Variants in ERBB4 observed in about 807,000 individuals in gnomAD.
The protein encoded by ERBB4 is receptor tyrosine-protein kinase erbB-4.
In ERBB4, 42 loss-of-function variants were observed where a neutral mutation model predicts 158.0. The observed-to-expected ratio is 0.27, with a 90% CI of 0.21 to 0.34. The LOEUF is 0.34. Among genes scored for constraint, ERBB4 ranks in the 10% least tolerant of loss-of-function variants. The pLI, the probability that ERBB4 is intolerant of heterozygous loss-of-function variation, is 1.00. For synonymous variants in ERBB4, 583 were observed against 558.7 expected, an observed-to-expected ratio of 1.04 and a Z score of -0.61; for missense variants, 1,333 against 1,624.1, an observed-to-expected ratio of 0.82 and a Z score of 3.08.
At chr2:212,228,547 T>C (rs1212987567) in intron 1 of ERBB4, among the ~76,000 whole-genome samples, 1 of 152,206 alleles carries the variant, frequency 6.6e-6, no homozygotes, top group Admixed American at 6.5e-5. Context: ...GGGACTATTG[T>C]ATTCATAGCA....
intron 2 of ERBB4, among the ~76,000 whole-genome samples, chr2:211,996,181 T>A (rs912800521): frequency 6.6e-6 from 1 of 152,150 alleles, no homozygotes; most frequent in Non-Finnish European, 1.5e-5. Flanking sequence ...TTCAAAATAG[T>A]CTTACCATAT....
At chr2:212,456,454 T>A (rs1376594755) in intron 1 of ERBB4, among the ~76,000 whole-genome samples, 1 of 151,894 alleles carries the variant, frequency 6.6e-6, no homozygotes, top group African/African-American at 2.4e-5. Context: ...CTGTAAGAGA[T>A]GATTAATTAT....
chr2:212,506,121 G>A (rs1427418914), intron 1 of ERBB4, among the ~76,000 whole-genome samples: 1 of 148,304 alleles, frequency 6.7e-6, no homozygotes, highest in East Asian at 1.9e-4. Flanking sequence ...ATCTATTATG[G>A]TGATCTGTAA....
rs1187503392 is a variant in ERBB4, at chr2:212,276,429, T to C, written c.83-151526A>G. 6.6e-5 allele frequency among the ~76,000 whole-genome samples: 10 copies of C among 151,710 alleles called. No homozygotes were observed. In the East Asian group the frequency reaches 1.9e-3, roughly 29 times the overall value. The stretch of plus-strand genomic sequence containing the variant: ...CTAAGCTGGTGTGCCTTTTGGAAAG[T>C]AAGTGAGGACCTTAAGCAAAAATAG... On this transcript the variant is annotated intron_variant, in intron 1 of 27. Coordinates refer to ENST00000342788, the MANE Select transcript of ERBB4 (RefSeq NM_005235.3).
chr2:211,606,133 T>G (rs557134450), intron 19 of ERBB4, among the ~76,000 whole-genome samples: 1 of 152,114 alleles, frequency 6.6e-6, no homozygotes, highest in Non-Finnish European at 1.5e-5. Flanking sequence ...AGAATGATAA[T>G]CTAATGTAAC....
At chr2:211,774,851 T>C (rs574923927) in intron 4 of ERBB4, among the ~76,000 whole-genome samples, 65 of 152,338 alleles carry the variant, frequency 4.3e-4, no homozygotes, top group African/African-American at 1.5e-3. Context: ...TGATGTAAGC[T>C]TATGCAATGG....
intron 1 of ERBB4, among the ~76,000 whole-genome samples, chr2:212,199,808 T>C (rs2082539062): frequency 1.3e-5 from 2 of 152,164 alleles, no homozygotes; most frequent in South Asian, 2.1e-4. Context: ...TTCTCTTGTC[T>C]GAAGGACTCC....
intron 1 of ERBB4, among the ~76,000 whole-genome samples, chr2:212,491,161 G>A (rs924686298): frequency 6.6e-6 from 1 of 151,436 alleles, no homozygotes; most frequent in East Asian, 1.9e-4. Flanking sequence ...GGACCCAAAC[G>A]TCTGTATTGT....
At chr2:212,506,573 G>T (rs540898545) in intron 1 of ERBB4, among the ~76,000 whole-genome samples, 189 of 151,142 alleles carry the variant, frequency 1.3e-3, no homozygotes, top group Admixed American at 2.6e-3. Flanking sequence ...CTCATATGGA[G>T]AAAAGTTTTA....
At chr2:212,142,692 C>A (rs960273893) in intron 1 of ERBB4, among the ~76,000 whole-genome samples, 1 of 150,460 alleles carries the variant, frequency 6.6e-6, no homozygotes, top group African/African-American at 2.4e-5. Flanking sequence ...AACATGAATT[C>A]TCAAACGTTA....
chr2:211,653,681 G>A (rs184649257), intron 16 of ERBB4, among the ~76,000 whole-genome samples: 1 of 151,746 alleles, frequency 6.6e-6, no homozygotes, highest in Non-Finnish European at 1.5e-5. Context: ...TCTTTTTTGG[G>A]GGGGTTTGAG....
chr2:212,011,935 T>C (rs1438503586), intron 2 of ERBB4, among the ~76,000 whole-genome samples: 3 of 152,184 alleles, frequency 2.0e-5, no homozygotes, highest in Non-Finnish European at 2.9e-5. Context: ...ATCTATTTTA[T>C]TGACTGGAAT....
chr2:212,095,233 C>A (rs555219969), intron 2 of ERBB4, among the ~76,000 whole-genome samples: 1 of 152,140 alleles, frequency 6.6e-6, no homozygotes, highest in Non-Finnish European at 1.5e-5. Context: ...CTCAATGCAC[C>A]AGAGGCATGC....
chr2:211,905,060 C>T (rs935245295), intron 3 of ERBB4, among the ~76,000 whole-genome samples: 5 of 151,966 alleles, frequency 3.3e-5, no homozygotes, highest in East Asian at 1.9e-4. Context: ...ACAAACTTAC[C>T]GCAAATTTAA....
chr2:211,930,322 A>G (rs1054026003), intron 3 of ERBB4, among the ~76,000 whole-genome samples: 5 of 152,196 alleles, frequency 3.3e-5, no homozygotes, highest in East Asian at 3.8e-4. Context: ...AAACTTTTAC[A>G]GTGGTTCTAA....
At chr2:211,569,565 A>C (rs2067651989) in intron 19 of ERBB4, among the ~76,000 whole-genome samples, 1 of 152,232 alleles carries the variant, frequency 6.6e-6, no homozygotes, top group Non-Finnish European at 1.5e-5. Flanking sequence ...ATAGATAATG[A>C]AACGGTGGTC....
intron 3 of ERBB4, among the ~76,000 whole-genome samples, chr2:211,933,254 A>G (rs114290351): frequency 0.035 from 5,331 of 152,174 alleles, 127 homozygotes; most frequent in Middle Eastern, 0.088. Context: ...TAATGCACAG[A>G]TGTGAAGTTC....
intron 2 of ERBB4, among the ~76,000 whole-genome samples, chr2:212,057,488 C>G (rs985307060): frequency 7.2e-5 from 11 of 152,182 alleles, no homozygotes; most frequent in Non-Finnish European, 2.9e-5. Flanking sequence ...TACTTCTCAG[C>G]ACCACATCAC....
intron 1 of ERBB4, among the ~76,000 whole-genome samples, chr2:212,266,357 C>A (rs2085136223): frequency 6.6e-6 from 1 of 151,916 alleles, no homozygotes; most frequent in Non-Finnish European, 1.5e-5. Context: ...AATGGAAAAT[C>A]ATTCTATGAG....
Sources: gnomAD v4.1 joint callset for allele counts (sites outside exome capture counted in the v4.1 genomes callset) on GRCh38, gnomAD v4.1.1 for gene constraint, MANE v1.5 for transcripts, NCBI Gene and HGNC (gene_info 2026-07-23, HGNC 2026-07-21) for gene names.